ABCD2: variants seen among roughly 807,000 people sequenced by gnomAD.
The protein encoded by ABCD2 is ATP-binding cassette sub-family D member 2.
Under a neutral mutation model 70.9 loss-of-function variants are expected in ABCD2, and 36 were observed. The observed-to-expected ratio is 0.51, with a 90% confidence interval of 0.39 to 0.67. The LOEUF is 0.67. ABCD2 is among the 30% of genes least tolerant of loss of function. The pLI, the probability that ABCD2 is intolerant of heterozygous loss-of-function variation, is 0.00. For synonymous variants in ABCD2, 304 were observed against 306.9 expected (o/e 0.99, Z 0.10); for missense variants, 729 against 890.2 (o/e 0.82, Z 2.30).
At chr12:39,539,484 C>G in the ABCD2 span, 2 of 154,900 alleles carry the variant, frequency 1.3e-5, no homozygotes, top group African/African-American at 4.8e-5. Context: ...TGCTCAATAT[C>G]TTAAAGCTGG....
At chr12:39,617,436 T>C (rs773579576) in intron 1 of ABCD2, among the ~76,000 whole-genome samples, 4 of 152,104 alleles carry the variant, frequency 2.6e-5, no homozygotes, top group Non-Finnish European at 5.9e-5. Flanking sequence ...TTAAATGATA[T>C]TATATGAGAC....
chr12:39,614,353 G>A (rs976973653), intron 2 of ABCD2, among the ~76,000 whole-genome samples: 10 of 152,152 alleles, frequency 6.6e-5, no homozygotes, highest in African/African-American at 2.4e-4. Flanking sequence ...TGAAAGATGT[G>A]TATAATTATC....
At chr12:39,562,920 T>C (rs1368036475) in intron 9 of ABCD2, among the ~76,000 whole-genome samples, 1 of 152,076 alleles carries the variant, frequency 6.6e-6, no homozygotes, top group Non-Finnish European at 1.5e-5. Flanking sequence ...ATCAACAAAA[T>C]ACCAGCAAAC....
chr12:39,545,972 C>A (rs1015887271), downstream of ABCD2, among the ~76,000 whole-genome samples: 3 of 152,004 alleles, frequency 2.0e-5, no homozygotes, highest in South Asian at 2.1e-4. Context: ...TATCTACTTT[C>A]TATTGAATCA....
At position 39,619,730 on chromosome 12, in the gene ABCD2, T is replaced by C. The variant is rs1235742622; in HGVS notation, c.-115A>G. ...TACAGCGTCCCATAGTCTGCAGCGTTTCTCTTCCACTGTTGTGTTTTTAAT... is the reference window on the plus strand; with the variant it reads ...TACAGCGTCCCATAGTCTGCAGCGTCTCTCTTCCACTGTTGTGTTTTTAAT... On this transcript the variant is annotated 5_prime_UTR_variant, in exon 1 of 10. Transcript: ENST00000308666. The C allele has an allele frequency of 3.3e-6, 3 of 906,324 alleles. No homozygotes were observed. Among genetic ancestry groups the C allele is most frequent in the Non-Finnish European group, 4.9e-6 (3 of 613,508 alleles). The allele number at this position is 906,324 out of a possible 1,614,324, so 56.1% of individuals were successfully genotyped here.
At chr12:39,573,190 A>G (rs531711184) in intron 9 of ABCD2, among the ~76,000 whole-genome samples, 1 of 152,246 alleles carries the variant, frequency 6.6e-6, no homozygotes, top group South Asian at 2.1e-4. Context: ...TAGCATCTTT[A>G]TTTGAAGGGG....
intron 5 of ABCD2, among the ~76,000 whole-genome samples, chr12:39,603,078 A>G (rs1057103075): frequency 3.3e-5 from 5 of 152,164 alleles, no homozygotes; most frequent in Admixed American, 1.3e-4. Context: ...ACCCTGTTCA[A>G]TGCTACTCAT....
chr12:39,570,278 A>T (rs549205969), intron 9 of ABCD2, among the ~76,000 whole-genome samples: 5 of 152,234 alleles, frequency 3.3e-5, no homozygotes, highest in Non-Finnish European at 7.4e-5. Context: ...AAATAGTGAA[A>T]AAATTCTTGA....
chr12:39,588,560 C>T (rs1162943843), intron 6 of ABCD2, among the ~76,000 whole-genome samples: 2 of 152,170 alleles, frequency 1.3e-5, no homozygotes, highest in Non-Finnish European at 2.9e-5. Flanking sequence ...CAAGAGCCTT[C>T]AGAGGGCGTG....
At chr12:39,583,823 G>C (rs1031054809) in intron 7 of ABCD2, among the ~76,000 whole-genome samples, 2 of 152,098 alleles carry the variant, frequency 1.3e-5, no homozygotes, top group African/African-American at 4.8e-5. Flanking sequence ...ATTGCCTCCA[G>C]CTCCATTCAT....
rs140483510 is a variant in ABCD2, at chr12:39,586,422, T to C, written c.1647-125A>G. 2,751 of 938,318 alleles carry C rather than the reference T, an allele frequency of 2.9e-3. 114 individuals carry two copies. In the Admixed American group the frequency reaches 0.073, roughly 25 times the overall value. 58.1% of individuals were successfully genotyped at this position (938,318 alleles called of 1,614,324 possible). A position where few individuals can be genotyped will look rare whatever the true frequency, so the allele number is the denominator to read the frequency against. On this transcript the variant is annotated intron_variant, in intron 6 of 9. Coordinates refer to ENST00000308666, the MANE Select transcript of ABCD2 (RefSeq NM_005164.4). Reference sequence around the variant, plus strand: ...CACTACATTTCCAGGATGATATTTGTTACCTGGCGATGAGTACTTCTCCCT... The same window carrying C: ...CACTACATTTCCAGGATGATATTTGCTACCTGGCGATGAGTACTTCTCCCT...
intron 6 of ABCD2, among the ~76,000 whole-genome samples, chr12:39,598,388 A>G (rs1941848599): frequency 6.6e-6 from 1 of 152,192 alleles, no homozygotes; most frequent in South Asian, 2.1e-4. Context: ...ATGAATTAAT[A>G]CAATAAATTA....
chr12:39,545,913 G>A (rs375699517), downstream of ABCD2, among the ~76,000 whole-genome samples: 1 of 152,118 alleles, frequency 6.6e-6, no homozygotes, highest in South Asian at 2.1e-4. Flanking sequence ...GGGACTCAAA[G>A]AGAGAGGAAA....
downstream of ABCD2, among the ~76,000 whole-genome samples, chr12:39,549,881 T>A (rs938096439): frequency 6.6e-6 from 1 of 151,848 alleles, no homozygotes; most frequent in Non-Finnish European, 1.5e-5. Context: ...TTTATTAAAT[T>A]AGCATTTTGT....
At chr12:39,581,598 A>T (rs1471029414) in intron 7 of ABCD2, among the ~76,000 whole-genome samples, 2 of 152,216 alleles carry the variant, frequency 1.3e-5, no homozygotes, top group African/African-American at 4.8e-5. Flanking sequence ...ATGAAATGTA[A>T]GTGATGATTT....
rs1941120042 is a variant in ABCD2 at position 39,553,658 on chromosome 12, A to C, written c.*254T>G. 1.2e-5 allele frequency: 5 copies of C among 402,844 alleles called. No individual in the cohort carries two copies. Among genetic ancestry groups the C allele is most frequent in the Non-Finnish European group, 2.2e-5 (5 of 224,604 alleles). 25.0% of individuals were successfully genotyped at this position (402,844 alleles called of 1,614,324 possible). ...TCTGGTATTCATCATGAATTCACCT[A>C]GAAAATCCTGTTTTACAAGTGCATT... On this transcript the variant is annotated 3_prime_UTR_variant, in exon 10 of 10. Coordinates refer to ENST00000308666, the MANE Select transcript of ABCD2 (RefSeq NM_005164.4).
intron 6 of ABCD2, among the ~76,000 whole-genome samples, chr12:39,596,507 A>T (rs541645937): frequency 5.4e-4 from 82 of 152,260 alleles, no homozygotes; most frequent in African/African-American, 1.9e-3. Flanking sequence ...CTTTAAAAAA[A>T]GTATTTGATC....
intron 1 of ABCD2, 78 bp from the exon 2 acceptor site, chr12:39,617,246 T>G: frequency 1.1e-6 from 1 of 891,642 alleles, no homozygotes; most frequent in Non-Finnish European, 1.6e-6. Flanking sequence ...AGTATGGCAT[T>G]ATCTATGCAT....
intron 6 of ABCD2, among the ~76,000 whole-genome samples, chr12:39,596,565 C>G (rs980077567): frequency 4.0e-5 from 6 of 151,870 alleles, no homozygotes; most frequent in African/African-American, 1.4e-4. Context: ...CTTTCTGAAC[C>G]TTTTGTTTCT....
Sources: gnomAD v4.1 joint callset for allele counts (sites outside exome capture counted in the v4.1 genomes callset) on GRCh38, gnomAD v4.1.1 for gene constraint, MANE v1.5 for transcripts, NCBI Gene and HGNC (gene_info 2026-07-23, HGNC 2026-07-21) for gene names.